RPSA2: variants seen among roughly 807,000 people sequenced by gnomAD.
RPSA2 encodes ribosomal protein SA 2.
the RPSA2 span, among the ~76,000 whole-genome samples, chr19:23,850,072 A>T: frequency 6.6e-6 from 1 of 151,948 alleles, no homozygotes; most frequent in Non-Finnish European, 1.5e-5. Flanking sequence ...GGGTATTTAT[A>T]ACCCCTAGTA....
At chr19:23,777,319 A>G in the RPSA2 span, among the ~76,000 whole-genome samples, 1 of 152,168 alleles carries the variant, frequency 6.6e-6, no homozygotes, top group African/African-American at 2.4e-5. Flanking sequence ...TGAGGCCAAC[A>G]CCTAGGTGAT....
At chr19:23,856,576 C>T in the RPSA2 span, among the ~76,000 whole-genome samples, 10 of 152,276 alleles carry the variant, frequency 6.6e-5, no homozygotes, top group African/African-American at 1.4e-4. Flanking sequence ...CAAAGGGAAT[C>T]GGGTTCCCAC....
chr19:23,866,841 G>T, the RPSA2 span, among the ~76,000 whole-genome samples: 4 of 152,136 alleles, frequency 2.6e-5, no homozygotes, highest in African/African-American at 4.8e-5. Flanking sequence ...CTGGCATTTG[G>T]GGACATTTGC....
chr19:23,776,671 A>G, the RPSA2 span, among the ~76,000 whole-genome samples: 1 of 152,134 alleles, frequency 6.6e-6, no homozygotes, highest in African/African-American at 2.4e-5. Flanking sequence ...CCCCATACCT[A>G]GCTGGTATGA....
chr19:23,859,642 G>C, the RPSA2 span, among the ~76,000 whole-genome samples: 1 of 151,644 alleles, frequency 6.6e-6, no homozygotes, highest in Admixed American at 6.6e-5. Flanking sequence ...AAAAAAAATT[G>C]AATTGCTTAG....
At chr19:23,835,932 C>A in the RPSA2 span, among the ~76,000 whole-genome samples, 1 of 152,082 alleles carries the variant, frequency 6.6e-6, no homozygotes, top group Non-Finnish European at 1.5e-5. Context: ...CTGCACCCAG[C>A]CTGTGTAATA....
At chr19:23,765,434 A>T in the RPSA2 span, among the ~76,000 whole-genome samples, 1 of 142,574 alleles carries the variant, frequency 7.0e-6, no homozygotes, top group East Asian at 2.1e-4. Context: ...TGTACATATA[A>T]AACATGGAGT....
chr19:23,772,758 T>C, the RPSA2 span, among the ~76,000 whole-genome samples: 1 of 152,120 alleles, frequency 6.6e-6, no homozygotes, highest in Non-Finnish European at 1.5e-5. Flanking sequence ...CTGTCCACAG[T>C]TGGAATTGTG....
At chr19:23,847,046 T>C in the RPSA2 span, among the ~76,000 whole-genome samples, 2 of 152,178 alleles carry the variant, frequency 1.3e-5, no homozygotes, top group Non-Finnish European at 2.9e-5. Flanking sequence ...TCTTTGTTCA[T>C]TCTTTTTCAT....
the RPSA2 span, among the ~76,000 whole-genome samples, chr19:23,838,884 C>G: frequency 1.3e-5 from 2 of 152,044 alleles, no homozygotes; most frequent in African/African-American, 4.8e-5. Flanking sequence ...TTTATCTTTT[C>G]TGAGAAGCAG....
the RPSA2 span, among the ~76,000 whole-genome samples, chr19:23,766,751 GC>G: frequency 9.6e-6 from 1 of 103,754 alleles, no homozygotes; most frequent in Non-Finnish European, 1.9e-5. Flanking sequence ...ACCGTGCCGG[GC>G]CAAATGTTTT....
At chr19:23,813,103 T>C in the RPSA2 span, among the ~76,000 whole-genome samples, 1 of 151,894 alleles carries the variant, frequency 6.6e-6, no homozygotes, top group Admixed American at 6.6e-5. Flanking sequence ...GGCAGGGTTG[T>C]GTGTACCTGT....
chr19:23,860,191 A>T, the RPSA2 span, among the ~76,000 whole-genome samples: 3 of 152,142 alleles, frequency 2.0e-5, no homozygotes, highest in Non-Finnish European at 4.4e-5. Flanking sequence ...TACAGAGCTG[A>T]GCCCCCATCA....
chr19:23,761,076 G>A, the RPSA2 span, among the ~76,000 whole-genome samples: 7 of 74,012 alleles, frequency 9.5e-5, no homozygotes, highest in African/African-American at 2.5e-4. Flanking sequence ...GTTTGTGTGT[G>A]TGTATATATA....
chr19:23,812,388 C>CTTTTTTTTTTTTTTTT, the RPSA2 span, among the ~76,000 whole-genome samples: 898 of 113,994 alleles, frequency 7.9e-3, no homozygotes, highest in Middle Eastern at 0.011. Context: ...CTCTTTTTCT[C>CTTTTTTTTTTTTTTTT]TTTTTTTTTT....
At chr19:23,865,502 C>T in the RPSA2 span, among the ~76,000 whole-genome samples, 1 of 152,084 alleles carries the variant, frequency 6.6e-6, no homozygotes, top group Non-Finnish European at 1.5e-5. Flanking sequence ...CCTACTGCTG[C>T]TGTCTCTTTA....
chr19:23,827,647 A>C, the RPSA2 span: 3 of 1,595,896 alleles, frequency 1.9e-6, no homozygotes, highest in Admixed American at 5.0e-5. Flanking sequence ...TTGCCATCCC[A>C]TGCAACAACA....
the RPSA2 span, among the ~76,000 whole-genome samples, chr19:23,812,235 A>G: frequency 1.3e-5 from 2 of 152,216 alleles, no homozygotes; most frequent in East Asian, 1.9e-4. Flanking sequence ...TTCTGTTTGT[A>G]TACTTTAAGT....
the RPSA2 span, among the ~76,000 whole-genome samples, chr19:23,853,763 G>A: frequency 6.6e-6 from 1 of 152,202 alleles, no homozygotes; most frequent in South Asian, 2.1e-4. Flanking sequence ...AATGGGGATT[G>A]GCATGATATA....
Sources: gnomAD v4.1 joint callset for allele counts (sites outside exome capture counted in the v4.1 genomes callset) on GRCh38, gnomAD v4.1.1 for gene constraint, MANE v1.5 for transcripts, NCBI Gene and HGNC (gene_info 2026-07-23, HGNC 2026-07-21) for gene names.